The following OTUD7A variants were observed in gnomAD, a reference collection of about 807,000 sequenced individuals.
The protein encoded by OTUD7A is OTU domain-containing protein 7A.
OTUD7A carries 12 observed loss-of-function variants against 65.7 expected under a neutral mutation model. The observed-to-expected ratio is 0.18, with a 90% CI of 0.12 to 0.30. The LOEUF is 0.30. OTUD7A is among the 10% of genes least tolerant of loss of function. The pLI is 1.00. For missense variants in OTUD7A, 1,148 were observed against 1,304.8 expected (o/e 0.88, Z 1.85); for synonymous variants, 641 against 586.3 (o/e 1.09, Z -1.35).
At chr15:31,664,037 T>C (rs1351463189) in intron 1 of OTUD7A, among the ~76,000 whole-genome samples, 1 of 152,258 alleles carries the variant, frequency 6.6e-6, no homozygotes, top group Non-Finnish European at 1.5e-5. Context: ...TATTCCATTG[T>C]ATAAATATAC....
In OTUD7A at chr15:31,483,627, G is replaced by A. The variant is rs994680906; in HGVS notation, c.2469C>T (p.Ala823=). The change falls in exon 13 of 13, where the codon GCC becomes GCT. Residue 823 remains alanine (A), a synonymous_variant. Coordinates refer to ENST00000307050, the MANE Select transcript of OTUD7A (RefSeq NM_001382637.1). ...SQSYSPARAA[A]LRTVNTVESL... ...ACTCGACCGTGTTGACGGTGCGCAG[G>A]GCGGCGGCGCGCGCCGGGCTGTAGC... The A allele has an allele frequency of 1.7e-6, 2 of 1,184,282 alleles. No homozygotes were observed. Among genetic ancestry groups the A allele is most frequent in the Non-Finnish European group, 2.1e-6 (2 of 960,238 alleles). The allele number at this position is 1,184,282 out of a possible 1,614,324, so 73.4% of individuals were successfully genotyped here. A position where few individuals can be genotyped will look rare whatever the true frequency, so the allele number is the denominator to read the frequency against.
chr15:31,511,357 AAC>A (rs1267393513), intron 8 of OTUD7A, among the ~76,000 whole-genome samples: 1 of 4,658 alleles, frequency 2.1e-4, no homozygotes, highest in Non-Finnish European at 3.1e-4. Flanking sequence ...ATCTATATGT[AAC>A]ACACATATAT....
At chr15:31,847,799 G>A (rs1332383236) in intron 1 of OTUD7A, among the ~76,000 whole-genome samples, 2 of 152,200 alleles carry the variant, frequency 1.3e-5, no homozygotes, top group African/African-American at 4.8e-5. Flanking sequence ...ATGGCTGAGA[G>A]GACTCAGGAA....
chr15:31,783,410 T>C (rs914387511), intron 1 of OTUD7A, among the ~76,000 whole-genome samples: 1 of 152,208 alleles, frequency 6.6e-6, no homozygotes, highest in Admixed American at 6.5e-5. Flanking sequence ...TTTCGCTGTG[T>C]TGACATTCAT....
intron 3 of OTUD7A, among the ~76,000 whole-genome samples, chr15:31,615,638 C>T (rs924255825): frequency 3.3e-5 from 5 of 152,310 alleles, no homozygotes; most frequent in East Asian, 1.9e-4. Context: ...ACAAAATCCA[C>T]TTTTTGTTTC....
chr15:31,489,304 A>G (rs2041284075), intron 10 of OTUD7A, among the ~76,000 whole-genome samples: 1 of 152,244 alleles, frequency 6.6e-6, no homozygotes, highest in East Asian at 1.9e-4. Context: ...GCAACATTTT[A>G]AATAAGCATC....
chr15:31,792,640 T>C (rs1209575204), intron 1 of OTUD7A, among the ~76,000 whole-genome samples: 2 of 152,060 alleles, frequency 1.3e-5, no homozygotes, highest in African/African-American at 4.8e-5. Context: ...CAGTCCTCAG[T>C]CTCTCTCTCT....
intron 3 of OTUD7A, among the ~76,000 whole-genome samples, chr15:31,607,737 T>G (rs993595354): frequency 3.9e-5 from 6 of 152,170 alleles, no homozygotes; most frequent in Non-Finnish European, 8.8e-5. Flanking sequence ...CGGTACTGAG[T>G]GCAGTAACAT....
intron 3 of OTUD7A, among the ~76,000 whole-genome samples, chr15:31,625,226 G>C (rs1284370047): frequency 2.0e-5 from 3 of 152,162 alleles, no homozygotes; most frequent in Non-Finnish European, 2.9e-5. Context: ...TGCAGCCCCA[G>C]CTAGACTGTA....
intron 3 of OTUD7A, among the ~76,000 whole-genome samples, chr15:31,645,278 T>C (rs997151323): frequency 7.9e-5 from 12 of 152,258 alleles, no homozygotes; most frequent in Middle Eastern, 3.2e-3. Context: ...GTTCAGTGTC[T>C]TGTTTATCAT....
At chr15:31,799,171 C>T (rs1010808402) in intron 1 of OTUD7A, among the ~76,000 whole-genome samples, 2 of 152,104 alleles carry the variant, frequency 1.3e-5, no homozygotes, top group Non-Finnish European at 2.9e-5. Context: ...AGCAAAGACA[C>T]GGGAGAGGAG....
intron 5 of OTUD7A, among the ~76,000 whole-genome samples, chr15:31,531,647 T>G (rs1242668715): frequency 6.7e-6 from 1 of 150,342 alleles, no homozygotes; most frequent in African/African-American, 2.4e-5. Context: ...CAGCCAAACA[T>G]CACAGAAAAA....
At position 31,480,584 on chromosome 15, in the gene OTUD7A, C is replaced by T. The variant is rs1201206473; in HGVS notation, c.*2710G>A. On this transcript the variant is annotated 3_prime_UTR_variant, in exon 13 of 13. Transcript: ENST00000307050. ...AAGCCCTTGGCCCACATGCAGTCAACACAGTTTTTAATAGTTTCTGGCCAG... is the reference window on the plus strand; with the variant it reads ...AAGCCCTTGGCCCACATGCAGTCAATACAGTTTTTAATAGTTTCTGGCCAG... The T allele has an allele frequency of 6.6e-6, 1 of 152,294 alleles. No homozygotes were observed. The highest frequency in any genetic ancestry group is 2.4e-5 in the African/African-American group (1 of 41,454). 9.4% of individuals were successfully genotyped at this position (152,294 alleles called of 1,614,324 possible). A position where few individuals can be genotyped will look rare whatever the true frequency, so the allele number is the denominator to read the frequency against.
intron 1 of OTUD7A, among the ~76,000 whole-genome samples, chr15:31,827,550 C>CA (rs1292598316): frequency 6.6e-6 from 1 of 152,210 alleles, no homozygotes; most frequent in African/African-American, 2.4e-5. Context: ...TTTTGAATGA[C>CA]AGAGCCAAGT....
chr15:31,529,137 G>A (rs1240370194), intron 6 of OTUD7A, among the ~76,000 whole-genome samples: 1 of 152,200 alleles, frequency 6.6e-6, no homozygotes, highest in Non-Finnish European at 1.5e-5. Flanking sequence ...TGCTGCAGTT[G>A]CTGAGGGACA....
chr15:31,767,933 C>T lies in OTUD7A; in HGVS notation c.-100+102574G>A, dbSNP rs1332913708. The T allele has an allele frequency of 1.6e-5, 25 of 1,543,354 alleles. 1 individual carries two copies. In the Admixed American group the frequency reaches 4.2e-4, roughly 26 times the overall value. On this transcript the variant is annotated intron_variant, in intron 1 of 12. Coordinates refer to ENST00000307050, the MANE Select transcript of OTUD7A (RefSeq NM_001382637.1). Reference sequence around the variant, plus strand: ...GTTGTTATCATCAACATTTTCTGATCCCCACCTCCCTTTGATATCTTCAAT... The same window carrying T: ...GTTGTTATCATCAACATTTTCTGATTCCCACCTCCCTTTGATATCTTCAAT...
intron 1 of OTUD7A, chr15:31,767,552 T>C: frequency 1.3e-6 from 1 of 789,044 alleles, no homozygotes. Context: ...CCCCATTATA[T>C]ATTGGGGAAT....
At chr15:31,550,874 G>A (rs1022734914) in intron 5 of OTUD7A, among the ~76,000 whole-genome samples, 3 of 152,184 alleles carry the variant, frequency 2.0e-5, no homozygotes, top group Non-Finnish European at 2.9e-5. Context: ...AGGTTTACTC[G>A]TGTCCCTGAA....
intron 1 of OTUD7A, among the ~76,000 whole-genome samples, chr15:31,693,559 TGTG>T (rs1315145349): frequency 6.6e-6 from 1 of 151,866 alleles, no homozygotes; most frequent in East Asian, 1.9e-4. Flanking sequence ...CTGGATTGGA[TGTG>T]GTGATGCCAG....
Sources: allele counts gnomAD v4.1 joint callset (sites outside exome capture counted in the v4.1 genomes callset), GRCh38; gene constraint gnomAD v4.1.1; transcripts MANE v1.5; gene names NCBI Gene and HGNC (gene_info 2026-07-23, HGNC 2026-07-21).